The following CACNA2D1 variants were observed in gnomAD, a reference collection of about 807,000 sequenced individuals.
The protein encoded by CACNA2D1 is calcium voltage-gated channel auxiliary subunit alpha2delta 1, also known as voltage-dependent calcium channel subunit alpha-2/delta-1.
CACNA2D1 carries 53 observed loss-of-function variants against 171.5 expected under a neutral mutation model. That is an observed-to-expected ratio of 0.31 (90% CI 0.25 to 0.39). CACNA2D1 has a LOEUF of 0.39. CACNA2D1 is among the 10% of genes least tolerant of loss of function. The pLI, the probability that CACNA2D1 is intolerant of heterozygous loss-of-function variation, is 1.00. For missense variants in CACNA2D1, 903 were observed against 1,299.8 expected (o/e 0.69, Z 4.69); for synonymous variants, 442 against 443.1 (o/e 1.00, Z 0.03).
chr7:81,962,390 A>G lies in CACNA2D1; in HGVS notation c.2836+50T>C, dbSNP rs200901955. ...TTGTTGAACTTCAAGCACATCCCAAAAGAAAATTTTTATTGTTATGGCAAT... is the reference window on the plus strand; with the variant it reads ...TTGTTGAACTTCAAGCACATCCCAAGAGAAAATTTTTATTGTTATGGCAAT... On this transcript the variant is annotated intron_variant, in intron 35 of 38. Transcript: ENST00000356860. The G allele has an allele frequency of 8.7e-4, 1,205 of 1,389,990 alleles. 8 individuals are homozygous for G. Among genetic ancestry groups the G allele is most frequent in the East Asian group, 3.9e-3 (170 of 43,058 alleles). The allele number at this position is 1,389,990 out of a possible 1,614,324, so 86.1% of individuals were successfully genotyped here. A position where few individuals can be genotyped will look rare whatever the true frequency, so the allele number is the denominator to read the frequency against.
intron 3 of CACNA2D1, among the ~76,000 whole-genome samples, chr7:82,320,855 T>A (rs1031344771): frequency 6.6e-6 from 1 of 152,022 alleles, no homozygotes; most frequent in Non-Finnish European, 1.5e-5. Flanking sequence ...CAGTAGGAGA[T>A]AGCTAAATAA....
chr7:82,072,419 T>A (rs996347543), intron 7 of CACNA2D1, among the ~76,000 whole-genome samples: 1 of 151,980 alleles, frequency 6.6e-6, no homozygotes, highest in Non-Finnish European at 1.5e-5. Flanking sequence ...CCATGTATTT[T>A]TAGGAGAGTA....
At chr7:82,153,946 CA>C (rs981015566) in intron 4 of CACNA2D1, among the ~76,000 whole-genome samples, 41 of 151,954 alleles carry the variant, frequency 2.7e-4, no homozygotes, top group Non-Finnish European at 8.8e-5. Flanking sequence ...ATAACTGTTG[CA>C]GAGCTTGTAA....
intron 38 of CACNA2D1, among the ~76,000 whole-genome samples, chr7:81,952,772 C>G (rs1195767194): frequency 6.6e-6 from 1 of 152,078 alleles, no homozygotes; most frequent in Non-Finnish European, 1.5e-5. Context: ...AGTCCTATGG[C>G]TTTAATTTCA....
rs1416259562 is a variant in CACNA2D1 at position 82,064,288 on chromosome 7, G to C, written c.779+16C>G. ...CATATTCTCAATATATAAATAAGTA[G>C]TATTTAACAACTCACACATCCACCA... On this transcript the variant is annotated intron_variant, in intron 9 of 38. Transcript: ENST00000356860. 6.5e-7 allele frequency: 1 copy of C among 1,532,970 alleles called. No homozygotes were observed. The highest frequency in any genetic ancestry group is 1.1e-5 in the South Asian group (1 of 89,240). 95.0% of individuals were successfully genotyped at this position (1,532,970 alleles called of 1,614,324 possible).
rs186524493 is a variant in CACNA2D1, at chr7:82,081,145, T to C, written c.658+3624A>G. Among the ~76,000 whole-genome samples, 240 of 152,306 alleles carry C rather than the reference T, an allele frequency of 1.6e-3. 1 individual carries two copies. Among genetic ancestry groups the C allele is most frequent in the Non-Finnish European group, 2.3e-3 (155 of 68,032 alleles). ...AGTTCAATTAAGTAGAAGTAACATATGTGCTGTTGCCATTTATTGTTAAGA... is the reference window on the plus strand; with the variant it reads ...AGTTCAATTAAGTAGAAGTAACATACGTGCTGTTGCCATTTATTGTTAAGA... On this transcript the variant is annotated intron_variant, in intron 7 of 38. Transcript: ENST00000356860.
chr7:82,321,864 C>T (rs1349281867), intron 3 of CACNA2D1, among the ~76,000 whole-genome samples: 1 of 152,132 alleles, frequency 6.6e-6, no homozygotes, highest in South Asian at 2.1e-4. Flanking sequence ...CGGTGGCTCA[C>T]GCCTGTAATC....
At chr7:82,281,925 T>A (rs1479478858) in intron 3 of CACNA2D1, among the ~76,000 whole-genome samples, 1 of 151,904 alleles carries the variant, frequency 6.6e-6, no homozygotes, top group Non-Finnish European at 1.5e-5. Context: ...AAATCTTTCA[T>A]AATATTGTAA....
At chr7:82,158,651 A>G (rs1019221953) in intron 4 of CACNA2D1, among the ~76,000 whole-genome samples, 1 of 151,928 alleles carries the variant, frequency 6.6e-6, no homozygotes, top group Admixed American at 6.6e-5. Flanking sequence ...TTAAGTATCA[A>G]AATAACTTGT....
intron 3 of CACNA2D1, among the ~76,000 whole-genome samples, chr7:82,250,037 C>A (rs2129313304): frequency 6.6e-6 from 1 of 152,350 alleles, no homozygotes; most frequent in South Asian, 2.1e-4. Flanking sequence ...CAGCGAGGGT[C>A]TTCCCATGGT....
chr7:82,249,383 C>T (rs575817550), intron 3 of CACNA2D1, among the ~76,000 whole-genome samples: 23 of 151,998 alleles, frequency 1.5e-4, no homozygotes, highest in Non-Finnish European at 2.4e-4. Flanking sequence ...CACAATAATC[C>T]GGGAATGGAA....
intron 1 of CACNA2D1, among the ~76,000 whole-genome samples, chr7:82,355,456 T>C (rs558035033): frequency 9.9e-5 from 15 of 152,228 alleles, no homozygotes; most frequent in Admixed American, 8.5e-4. Flanking sequence ...GAAGTTTCAG[T>C]GTTATAAAGA....
chr7:82,305,389 G>A (rs774335168), intron 3 of CACNA2D1, among the ~76,000 whole-genome samples: 1 of 152,150 alleles, frequency 6.6e-6, no homozygotes, highest in South Asian at 2.1e-4. Flanking sequence ...CCTGAAAGCT[G>A]TCTTTTGTCA....
chr7:81,978,647 G>A (rs1796102595), intron 24 of CACNA2D1, among the ~76,000 whole-genome samples: 1 of 151,798 alleles, frequency 6.6e-6, no homozygotes. Flanking sequence ...CCTAGATGAT[G>A]TGTTGATAGG....
At chr7:82,111,057 G>T (rs1788316291) in intron 6 of CACNA2D1, among the ~76,000 whole-genome samples, 1 of 151,866 alleles carries the variant, frequency 6.6e-6, no homozygotes, top group Admixed American at 6.6e-5. Flanking sequence ...TTTGCTAAAT[G>T]AAGAAATGTG....
At chr7:82,062,791 G>C (rs1236102383) in intron 9 of CACNA2D1, among the ~76,000 whole-genome samples, 1 of 140,008 alleles carries the variant, frequency 7.1e-6, no homozygotes, top group East Asian at 2.1e-4. Context: ...GCCCAGGCTG[G>C]AGTGCAGGGT....
chr7:82,068,254 G>T (rs139174255), intron 7 of CACNA2D1, among the ~76,000 whole-genome samples: 26 of 151,730 alleles, frequency 1.7e-4, no homozygotes, highest in Admixed American at 1.7e-3. Context: ...CTCCAGCCCC[G>T]CCCCCTGCCC....
intron 1 of CACNA2D1, among the ~76,000 whole-genome samples, chr7:82,411,383 A>G (rs1420915831): frequency 6.6e-6 from 1 of 152,166 alleles, no homozygotes; most frequent in African/African-American, 2.4e-5. Context: ...AAACGAAAAT[A>G]ACATATTTCC....
At chr7:82,115,172 T>C (rs1482234915) in intron 6 of CACNA2D1, among the ~76,000 whole-genome samples, 1 of 152,182 alleles carries the variant, frequency 6.6e-6, no homozygotes, top group South Asian at 2.1e-4. Flanking sequence ...ACCCAGCCAG[T>C]TTTTCTTCCA....
Sources: gnomAD v4.1 joint callset for allele counts (sites outside exome capture counted in the v4.1 genomes callset) on GRCh38, gnomAD v4.1.1 for gene constraint, MANE v1.5 for transcripts, NCBI Gene and HGNC (gene_info 2026-07-23, HGNC 2026-07-21) for gene names.